The following SLC36A1 variants were observed in gnomAD, a reference collection of about 807,000 sequenced individuals.
SLC36A1 encodes the protein proton-coupled amino acid transporter 1.
SLC36A1 carries 30 observed loss-of-function variants against 47.5 expected under a neutral mutation model. That is an observed-to-expected ratio of 0.63 (90% CI 0.47 to 0.86). SLC36A1 has a LOEUF of 0.86. SLC36A1 is among the 40% of genes least tolerant of loss of function. The probability of loss-of-function intolerance (pLI) is 0.00; values close to 1 mark genes in which losing one functional copy is unlikely to be tolerated. For missense variants in SLC36A1, 517 were observed against 606.0 expected (o/e 0.85, Z 1.54); for synonymous variants, 255 against 249.7 (o/e 1.02, Z -0.20).
chr5:151,399,390 A>G, the SLC36A1 span, among the ~76,000 whole-genome samples: 3 of 151,938 alleles, frequency 2.0e-5, no homozygotes, highest in African/African-American at 4.8e-5. Context: ...ATGTACATAT[A>G]TATTTATATC....
chr5:151,500,570 G>A, the SLC36A1 span, among the ~76,000 whole-genome samples: 4 of 152,208 alleles, frequency 2.6e-5, no homozygotes, highest in Admixed American at 6.5e-5. Flanking sequence ...GTTTCACCAT[G>A]TTGGCCAGGT....
At chr5:151,351,538 C>T in the SLC36A1 span, among the ~76,000 whole-genome samples, 1 of 152,240 alleles carries the variant, frequency 6.6e-6, no homozygotes, top group Non-Finnish European at 1.5e-5. Context: ...CAAGTGGCTT[C>T]TTCTGGTGAA....
chr5:151,475,739 A>T (rs933102778), intron 8 of SLC36A1, among the ~76,000 whole-genome samples: 1 of 152,200 alleles, frequency 6.6e-6, no homozygotes, highest in Non-Finnish European at 1.5e-5. Context: ...GCACAGACCT[A>T]TTGTGCCTCA....
At chr5:151,428,820 A>G in the SLC36A1 span, among the ~76,000 whole-genome samples, 2 of 152,088 alleles carry the variant, frequency 1.3e-5, no homozygotes, top group Admixed American at 1.3e-4. Flanking sequence ...TTTAGTAGAG[A>G]CGGGGTTTCA....
the SLC36A1 span, chr5:151,532,066 G>A: frequency 1.9e-5 from 28 of 1,499,434 alleles, no homozygotes; most frequent in Non-Finnish European, 2.5e-5. Context: ...CTGGGGAGGG[G>A]CTCCCATGAA....
chr5:151,406,984 A>G, the SLC36A1 span, among the ~76,000 whole-genome samples: 1 of 152,062 alleles, frequency 6.6e-6, no homozygotes, highest in African/African-American at 2.4e-5. Flanking sequence ...TCAGGAGTGA[A>G]GCTGCAGACC....
chr5:151,375,819 A>G, the SLC36A1 span, among the ~76,000 whole-genome samples: 1 of 152,182 alleles, frequency 6.6e-6, no homozygotes, highest in Non-Finnish European at 1.5e-5. Context: ...TAGAAATGCT[A>G]CTGATTTTTG....
the SLC36A1 span, among the ~76,000 whole-genome samples, chr5:151,351,378 G>A: frequency 2.0e-5 from 3 of 148,826 alleles, no homozygotes; most frequent in African/African-American, 5.0e-5. Flanking sequence ...GTGAAACTCT[G>A]TCTCAAAAAA....
At chr5:151,349,083 C>T in the SLC36A1 span, among the ~76,000 whole-genome samples, 1 of 152,174 alleles carries the variant, frequency 6.6e-6, no homozygotes, top group Non-Finnish European at 1.5e-5. Context: ...GCCTGAGATT[C>T]CACAATTTAA....
chr5:151,550,544 C>T, the SLC36A1 span: 8 of 1,597,084 alleles, frequency 5.0e-6, no homozygotes, highest in African/African-American at 1.3e-5. Context: ...CACCCCTACA[C>T]ATCTACATGC....
chr5:151,463,518 A>C (rs770726997), intron 2 of SLC36A1, 35 bp from the exon 3 acceptor site: 1 of 1,472,348 alleles, frequency 6.8e-7, no homozygotes, highest in African/African-American at 1.4e-5. Context: ...GTTAACTGTC[A>C]TGGTTATCAT....
chr5:151,487,214 A>T (rs1427969260), intron 10 of SLC36A1, among the ~76,000 whole-genome samples: 1 of 152,166 alleles, frequency 6.6e-6, no homozygotes. Flanking sequence ...GGGCACTAGG[A>T]TGGGTGTATT....
At chr5:151,474,481 G>A (rs1017445070) in intron 8 of SLC36A1, among the ~76,000 whole-genome samples, 8 of 152,196 alleles carry the variant, frequency 5.3e-5, no homozygotes, top group African/African-American at 1.9e-4. Flanking sequence ...TTCCTGAAAA[G>A]TGAGCTTAAT....
At chr5:151,433,359 C>T (rs1417845926), upstream of SLC36A1, among the ~76,000 whole-genome samples, 1 of 134,746 alleles carries the variant, frequency 7.4e-6, no homozygotes, top group Non-Finnish European at 1.6e-5. Context: ...CATTGGCTCA[C>T]CGCAACCTCT....
At position 151,458,907 on chromosome 5, in the gene SLC36A1, C is replaced by G; in HGVS notation, c.115C>G (p.Gln39Glu). 1 of 1,613,614 alleles carries G rather than the reference C, an allele frequency of 6.2e-7. No homozygotes were observed. The highest frequency in any genetic ancestry group is 8.5e-7 in the Non-Finnish European group (1 of 1,179,836). ...LNNLSSPGSY[Q>E]RFGQSNSTTW... Reference sequence around the variant, plus strand: ...CAACCTCTCCTCCCCGGGCTCCTACCAGCGCTTTGGTCAAAGCAATAGCAC... The same window carrying G: ...CAACCTCTCCTCCCCGGGCTCCTACGAGCGCTTTGGTCAAAGCAATAGCAC... The change falls in exon 2 of 11, where the codon CAG (glutamine) becomes GAG (glutamate). Residue 39 changes from glutamine (Q) to glutamate (E), a missense_variant. Transcript: ENST00000243389.
chr5:151,406,583 A>G, the SLC36A1 span: 11 of 152,362 alleles, frequency 7.2e-5, no homozygotes, highest in Admixed American at 2.6e-4. Context: ...CACAGGAAAA[A>G]TGGTAATGGC....
intron 7 of SLC36A1, among the ~76,000 whole-genome samples, chr5:151,472,697 A>T (rs1757487792): frequency 2.0e-5 from 3 of 152,246 alleles, no homozygotes; most frequent in Admixed American, 2.0e-4. Flanking sequence ...AAGAAGAGGA[A>T]AAAGGAAGAG....
At chr5:151,533,437 C>G in the SLC36A1 span, among the ~76,000 whole-genome samples, 1,890 of 150,612 alleles carry the variant, frequency 0.013, 52 homozygotes, top group African/African-American at 0.045. Context: ...CACACACACA[C>G]GCTTTCCAGG....
At chr5:151,554,643 G>T in the SLC36A1 span, 2 of 1,613,960 alleles carry the variant, frequency 1.2e-6, no homozygotes, top group African/African-American at 2.7e-5. Context: ...GTGGACTTCA[G>T]TGAGGGTTCC....
Sources: gnomAD v4.1 joint callset for allele counts (sites outside exome capture counted in the v4.1 genomes callset) on GRCh38, gnomAD v4.1.1 for gene constraint, MANE v1.5 for transcripts, NCBI Gene and HGNC (gene_info 2026-07-23, HGNC 2026-07-21) for gene names.